The following COL19A1 variants were observed in gnomAD, a reference collection of about 807,000 sequenced individuals.
The protein encoded by COL19A1 is collagen type XIX alpha 1 chain.
A neutral mutation model predicts 190.2 loss-of-function variants in COL19A1; 159 were observed. The ratio of observed to expected loss-of-function variants is 0.84; its 90% CI spans 0.73 to 0.95. The LOEUF is 0.95. Among genes scored for constraint, COL19A1 ranks in the 40% least tolerant of loss-of-function variants. COL19A1 has a pLI of 0.00. For missense variants in COL19A1, 1,418 were observed against 1,431.9 expected (o/e 0.99, Z 0.16); for synonymous variants, 509 against 458.9 (o/e 1.11, Z -1.39).
At position 69,985,641 on chromosome 6, in the gene COL19A1, C is replaced by T. The variant is rs190255576; in HGVS notation, c.1026+22771C>T. 4.1e-4 allele frequency among the ~76,000 whole-genome samples: 62 copies of T among 152,240 alleles called. 1 individual carries two copies. The highest frequency in any genetic ancestry group is 3.3e-3 in the Admixed American group (51 of 15,288). On this transcript the variant is annotated intron_variant, in intron 11 of 50. Transcript: ENST00000620364. ...CTAAGTTTCCTTCACCATTACTGAA[C>T]GTTTTCAAAAATTCCTTAAACTTCT...
At chr6:70,176,240 T>G (rs972729773) in intron 41 of COL19A1, among the ~76,000 whole-genome samples, 6 of 152,168 alleles carry the variant, frequency 3.9e-5, no homozygotes, top group Non-Finnish European at 7.4e-5. Flanking sequence ...AAGGGGACAT[T>G]AAAATAGGTC....
intron 49 of COL19A1, among the ~76,000 whole-genome samples, chr6:70,201,688 G>T (rs1767564500): frequency 6.6e-6 from 1 of 152,014 alleles, no homozygotes; most frequent in African/African-American, 2.4e-5. Context: ...TGTTAAATTT[G>T]CCTAAAATTT....
At chr6:70,176,003 A>G (rs1765780074) in intron 41 of COL19A1, among the ~76,000 whole-genome samples, 1 of 152,174 alleles carries the variant, frequency 6.6e-6, no homozygotes, top group Non-Finnish European at 1.5e-5. Context: ...CTTAAAAAGG[A>G]GTTGAGTCAC....
intron 21 of COL19A1, 41 bp downstream of exon 21, chr6:70,141,969 T>C: frequency 6.3e-7 from 1 of 1,596,280 alleles, no homozygotes; most frequent in Non-Finnish European, 8.6e-7. Context: ...CCAACCTTAA[T>C]GAGATTATGA....
intron 15 of COL19A1, among the ~76,000 whole-genome samples, chr6:70,084,742 C>T (rs1782481916): frequency 6.6e-6 from 1 of 152,130 alleles, no homozygotes; most frequent in Non-Finnish European, 1.5e-5. Flanking sequence ...GTGAAGCCAA[C>T]CAACCCACAG....
chr6:70,142,112 AT>A, intron 22 of COL19A1, 36 bp downstream of exon 22: 1 of 1,583,870 alleles, frequency 6.3e-7, no homozygotes, highest in Non-Finnish European at 8.6e-7. Context: ...TTGGGAAATA[AT>A]TTGGGAATTG....
rs183256707 is a variant in COL19A1, at chr6:69,923,345, A to G, written c.267-4564A>G. ...CAGTAGCTTCAGAATCACAGTGAAA[A>G]CTAGCTGCCTAGCAGCTGCTGGAAA... On this transcript the variant is annotated intron_variant, in intron 4 of 50. Coordinates refer to ENST00000620364, the MANE Select transcript of COL19A1 (RefSeq NM_001858.6). Among the ~76,000 whole-genome samples the G allele has an allele frequency of 4.1e-3, 621 of 152,242 alleles. 5 individuals are homozygous for G. The highest frequency in any genetic ancestry group is 9.5e-3 in the African/African-American group (395 of 41,558).
chr6:70,153,443 C>T (rs1459101849), intron 31 of COL19A1, among the ~76,000 whole-genome samples: 1 of 152,088 alleles, frequency 6.6e-6, no homozygotes, highest in African/African-American at 2.4e-5. Flanking sequence ...TTATTCTTTC[C>T]ATGAGAAAAT....
At chr6:69,930,120 T>C (rs1401752829) in intron 6 of COL19A1, among the ~76,000 whole-genome samples, 2 of 152,214 alleles carry the variant, frequency 1.3e-5, no homozygotes, top group East Asian at 3.8e-4. Flanking sequence ...TATTCATCCT[T>C]ACAATAGCAA....
chr6:70,045,641 G>T (rs6921039), intron 14 of COL19A1, among the ~76,000 whole-genome samples: 56,038 of 152,094 alleles, frequency 0.37, 13,047 homozygotes, highest in Non-Finnish European at 0.52. Context: ...CTTGCAGTTT[G>T]CACTGTGTAT....
intron 11 of COL19A1, among the ~76,000 whole-genome samples, chr6:69,996,292 C>T (rs1325400657): frequency 6.6e-6 from 1 of 152,052 alleles, no homozygotes; most frequent in African/African-American, 2.4e-5. Flanking sequence ...TGATTAGAAT[C>T]GGACCTCCTG....
At chr6:70,189,022 G>A (rs1456189914) in intron 47 of COL19A1, among the ~76,000 whole-genome samples, 1 of 152,178 alleles carries the variant, frequency 6.6e-6, no homozygotes, top group Non-Finnish European at 1.5e-5. Context: ...CACTCTTGGG[G>A]TTGTGTCAGT....
intron 14 of COL19A1, among the ~76,000 whole-genome samples, chr6:70,052,898 C>T (rs1168571351): frequency 6.6e-6 from 1 of 152,152 alleles, no homozygotes; most frequent in East Asian, 1.9e-4. Context: ...GAGAATTCAT[C>T]TTCTCATCTA....
Position 69,929,532 on chromosome 6 carries a change from GT to G in COL19A1, c.501del (p.Phe167LeufsTer25). 1.2e-6 allele frequency: 2 copies of G among 1,614,030 alleles called. No homozygotes were observed. Among genetic ancestry groups the G allele is most frequent in the African/African-American group, 1.3e-5 (1 of 75,026 alleles). On this transcript the variant is annotated frameshift_variant, in exon 6 of 51. Transcript: ENST00000620364. LOFTEE classifies it high-confidence loss of function. ...TTAGAAATCGAGAACTCCGTCCTTT[GT>G]TTGATCGTCAGTGGCACAAACTTGG... ...IFRNRELRPL[F>X]DRQWHKLGIS... is the part of the protein sequence containing the mutation.
At chr6:70,136,644 A>G (rs890797562) in intron 18 of COL19A1, among the ~76,000 whole-genome samples, 1 of 152,184 alleles carries the variant, frequency 6.6e-6, no homozygotes, top group Non-Finnish European at 1.5e-5. Flanking sequence ...TGAAAATATA[A>G]ATACTAAATT....
In COL19A1 at chr6:70,163,403, AG is replaced by A; in HGVS notation, c.2400+9del. ...AGGAGCAAAAGGTGAAAAGGTACAA[AG>A]GAAAAGCCTCACTTACCATCCAAAC... On this transcript the variant is annotated splice_region_variant and intron_variant, in intron 36 of 50. Coordinates refer to ENST00000620364, the MANE Select transcript of COL19A1 (RefSeq NM_001858.6). 1.9e-6 allele frequency: 3 copies of A among 1,610,278 alleles called. No individual in the cohort carries two copies. Among genetic ancestry groups the A allele is most frequent in the Non-Finnish European group, 2.5e-6 (3 of 1,177,954 alleles).
At chr6:69,886,362 C>T (rs1268907446) in intron 2 of COL19A1, among the ~76,000 whole-genome samples, 4 of 152,106 alleles carry the variant, frequency 2.6e-5, no homozygotes, top group African/African-American at 9.7e-5. Flanking sequence ...GAAAAGAGAA[C>T]TCTAGCACAC....
At chr6:70,114,483 A>C (rs1321976637) in intron 16 of COL19A1, among the ~76,000 whole-genome samples, 1 of 152,190 alleles carries the variant, frequency 6.6e-6, no homozygotes, top group Non-Finnish European at 1.5e-5. Context: ...CTGCTGTAAG[A>C]GCTAAATGCA....
Position 69,928,039 on chromosome 6 carries a change from T to C in COL19A1, c.390+7T>C. 6.2e-7 allele frequency: 1 copy of C among 1,612,284 alleles called. No homozygotes were observed. ...CCAGCAGAATATTCCACAGGTAAAG[T>C]ACCATTAGAGTTGTGCTCATTAGTT... On this transcript the variant is annotated splice_region_variant and intron_variant, in intron 5 of 50. Coordinates refer to ENST00000620364, the MANE Select transcript of COL19A1 (RefSeq NM_001858.6).
Sources: allele counts gnomAD v4.1 joint callset (sites outside exome capture counted in the v4.1 genomes callset), GRCh38; gene constraint gnomAD v4.1.1; transcripts MANE v1.5; gene names NCBI Gene and HGNC (gene_info 2026-07-23, HGNC 2026-07-21).